The following ZDHHC2 variants were observed in gnomAD, a reference collection of about 807,000 sequenced individuals.
ZDHHC2 encodes palmitoyltransferase ZDHHC2.
ZDHHC2 carries 51 observed loss-of-function variants against 55.6 expected under a neutral mutation model. The ratio of observed to expected loss-of-function variants is 0.92; its 90% CI spans 0.73 to 1.16. The LOEUF is 1.16. Among genes scored for constraint, ZDHHC2 ranks in the 50% most tolerant of loss-of-function variants. The probability of loss-of-function intolerance (pLI) is 0.00; values close to 1 mark genes in which losing one functional copy is unlikely to be tolerated. For synonymous variants in ZDHHC2, 199 were observed against 152.9 expected (o/e 1.30, Z -2.22); for missense variants, 491 against 442.4 (o/e 1.11, Z -0.99).
chr8:17,208,843 A>G (rs1157956673), intron 8 of ZDHHC2, among the ~76,000 whole-genome samples: 1 of 152,006 alleles, frequency 6.6e-6, no homozygotes, highest in Non-Finnish European at 1.5e-5. Flanking sequence ...AACTTCTGGA[A>G]ACCTCTAGAT....
At chr8:17,163,827 G>C (rs965044274) in intron 1 of ZDHHC2, among the ~76,000 whole-genome samples, 1 of 152,148 alleles carries the variant, frequency 6.6e-6, no homozygotes, top group African/African-American at 2.4e-5. Context: ...TTAATATTAT[G>C]TGGAATTCTG....
chr8:17,199,605 CTTT>C (rs1806609582), intron 6 of ZDHHC2, among the ~76,000 whole-genome samples: 2 of 23,660 alleles, frequency 8.5e-5, no homozygotes, highest in Non-Finnish European at 1.8e-4. Context: ...CTTCTTTATT[CTTT>C]CTTCTTCTTC....
chr8:17,214,910 A>C lies in ZDHHC2; in HGVS notation c.951-327A>C. Among the ~76,000 whole-genome samples, 3 of 152,266 alleles carry C rather than the reference A, an allele frequency of 2.0e-5. 1 individual carries two copies. In the Middle Eastern group the frequency reaches 0.01, roughly 518 times the overall value. ...TTCTTCCTCAAAAATAAATACATACATAAAATTGATAATAAAATACTGTTA... is the reference window on the plus strand; with the variant it reads ...TTCTTCCTCAAAAATAAATACATACCTAAAATTGATAATAAAATACTGTTA... On this transcript the variant is annotated intron_variant, in intron 10 of 12. Coordinates refer to ENST00000262096, the MANE Select transcript of ZDHHC2 (RefSeq NM_016353.5).
Position 17,215,296 on chromosome 8 carries a change from C to T in ZDHHC2, c.1010C>T (p.Thr337Ile). 1 of 1,601,396 alleles carries T rather than the reference C, an allele frequency of 6.2e-7. No homozygotes were observed. The highest frequency in any genetic ancestry group is 8.5e-7 in the Non-Finnish European group (1 of 1,173,832). ...PLRESQSHLL[T>I]DSQSWTESSI... ...AGAGAGTCCCAGAGCCACCTTCTTACTGATTCTCAGTCTTGGACGGAGAGC... is the reference window on the plus strand; with the variant it reads ...AGAGAGTCCCAGAGCCACCTTCTTATTGATTCTCAGTCTTGGACGGAGAGC... Residue 337 changes from threonine (T) to isoleucine (I), a missense_variant, in exon 11 of 13, where the codon ACT (threonine) becomes ATT (isoleucine). Coordinates refer to ENST00000262096, the MANE Select transcript of ZDHHC2 (RefSeq NM_016353.5).
At chr8:17,201,535 T>C (rs7463291) in intron 6 of ZDHHC2, among the ~76,000 whole-genome samples, 83,969 of 127,844 alleles carry the variant, frequency 0.66, 28,714 homozygotes, top group Non-Finnish European at 0.77. Flanking sequence ...CTCTGTAACC[T>C]GGGCTAGAGT....
At chr8:17,210,533 T>C (rs1217801969) in intron 10 of ZDHHC2, 53 bp downstream of exon 10, 2 of 1,463,562 alleles carry the variant, frequency 1.4e-6, no homozygotes, top group Non-Finnish European at 1.9e-6. Flanking sequence ...TTTACCATAT[T>C]GTGTCTTTTG....
At chr8:17,216,164 A>G (rs2150950500) in intron 11 of ZDHHC2, among the ~76,000 whole-genome samples, 1 of 152,280 alleles carries the variant, frequency 6.6e-6, no homozygotes, top group East Asian at 1.9e-4. Flanking sequence ...TTGACTACTA[A>G]CCTTTTCTCC....
Position 17,223,141 on chromosome 8 carries a change from T to C in ZDHHC2, c.*2920T>C, listed in dbSNP as rs1350386663. ...GTTATAAACTAGCAGATTTTCCCTA[T>C]TTTGAAATGCATGTAAACGGGCTCG... On this transcript the variant is annotated 3_prime_UTR_variant, in exon 13 of 13. Transcript: ENST00000262096. 2.0e-5 allele frequency: 3 copies of C among 151,924 alleles called. No individual in the cohort carries two copies. The highest frequency in any genetic ancestry group is 4.4e-5 in the Non-Finnish European group (3 of 67,836). The allele number at this position is 151,924 out of a possible 1,614,324, so 9.4% of individuals were successfully genotyped here.
intron 1 of ZDHHC2, among the ~76,000 whole-genome samples, chr8:17,182,496 G>C (rs1400563579): frequency 1.3e-5 from 2 of 152,130 alleles, no homozygotes; most frequent in Non-Finnish European, 2.9e-5. Flanking sequence ...AGTGTAATTG[G>C]ATACAGCCTT....
intron 1 of ZDHHC2, among the ~76,000 whole-genome samples, chr8:17,168,352 G>A (rs1804703255): frequency 6.6e-6 from 1 of 152,164 alleles, no homozygotes; most frequent in African/African-American, 2.4e-5. Context: ...TTTATGAGAT[G>A]TTAAACAACA....
rs17124203 is a variant in ZDHHC2 at position 17,204,460 on chromosome 8, C to T, written c.477-1195C>T. The stretch of plus-strand genomic sequence containing the variant: ...ACCGGTTAACCAAGAAGTTACTCAA[C>T]CCATGAAGGTATTAGCCAATTCCAC... On this transcript the variant is annotated intron_variant, in intron 6 of 12. Transcript: ENST00000262096. Among the ~76,000 whole-genome samples, 76 of 152,218 alleles carry T rather than the reference C, an allele frequency of 5.0e-4. 1 individual carries two copies. The highest frequency in any genetic ancestry group is 1.8e-3 in the African/African-American group (73 of 41,452).
chr8:17,190,948 A>ATTTTTTTTTTTT, intron 3 of ZDHHC2, among the ~76,000 whole-genome samples: 1 of 91,350 alleles, frequency 1.1e-5, no homozygotes, highest in Non-Finnish European at 2.3e-5. Flanking sequence ...GGTCTTATTC[A>ATTTTTTTTTTTT]TTCTTTTTTT....
At chr8:17,218,460 G>A (rs1461414459) in intron 12 of ZDHHC2, among the ~76,000 whole-genome samples, 1 of 151,786 alleles carries the variant, frequency 6.6e-6, no homozygotes, top group Non-Finnish European at 1.5e-5. Context: ...GTGCTATTAG[G>A]AATTTTTCTG....
At chr8:17,210,706 T>C (rs1177995413) in intron 10 of ZDHHC2, among the ~76,000 whole-genome samples, 1 of 152,266 alleles carries the variant, frequency 6.6e-6, no homozygotes, top group East Asian at 1.9e-4. Context: ...AAAAAGGTGT[T>C]AATTGTCTAT....
At chr8:17,167,997 C>G (rs1191677272) in intron 1 of ZDHHC2, among the ~76,000 whole-genome samples, 1 of 152,142 alleles carries the variant, frequency 6.6e-6, no homozygotes, top group African/African-American at 2.4e-5. Flanking sequence ...AAAAGACCTT[C>G]TAACATGTGT....
chr8:17,161,682 A>G (rs1267525143), intron 1 of ZDHHC2, among the ~76,000 whole-genome samples: 1 of 152,022 alleles, frequency 6.6e-6, no homozygotes, highest in East Asian at 1.9e-4. Flanking sequence ...ACATAGTGGA[A>G]CCCTGTCTCT....
chr8:17,156,746 G>C lies in ZDHHC2; in HGVS notation c.23G>C (p.Ser8Thr), dbSNP rs1804067786. The change falls in exon 1 of 13, where the codon AGC becomes ACC. Residue 8 changes from serine (S) to threonine (T), a missense_variant. By Grantham distance (58) the Ser-to-Thr change is moderately conservative. Transcript: ENST00000262096. ...AAGATGGCGCCCTCGGGCCCGGGCA[G>C]CAGCGCCAGGCGGCGGTGCCGGCGG... MAPSGPG[S>T]SARRRCRRVL... The C allele has an allele frequency of 2.0e-6, 3 of 1,495,064 alleles. No homozygotes were observed. Among genetic ancestry groups the C allele is most frequent in the Non-Finnish European group, 2.7e-6 (3 of 1,120,798 alleles). 92.6% of individuals were successfully genotyped at this position (1,495,064 alleles called of 1,614,324 possible).
chr8:17,183,897 C>T (rs1316486106), intron 1 of ZDHHC2, among the ~76,000 whole-genome samples: 1 of 152,088 alleles, frequency 6.6e-6, no homozygotes, highest in Non-Finnish European at 1.5e-5. Flanking sequence ...ATTGGTTGGA[C>T]TGAGCAATCT....
rs1807953478 is a variant in ZDHHC2, at chr8:17,222,195, T to A, written c.*1974T>A. 1 of 151,792 alleles carries A rather than the reference T, an allele frequency of 6.6e-6. No individual in the cohort carries two copies. The allele number at this position is 151,792 out of a possible 1,614,324, so 9.4% of individuals were successfully genotyped here. ...ACATTAGAATCAGATTTGAAAAAGTTAAAACAATTTCATTGTTGTAATTGT... is the reference window on the plus strand; with the variant it reads ...ACATTAGAATCAGATTTGAAAAAGTAAAAACAATTTCATTGTTGTAATTGT... On this transcript the variant is annotated 3_prime_UTR_variant, in exon 13 of 13. Coordinates refer to ENST00000262096, the MANE Select transcript of ZDHHC2 (RefSeq NM_016353.5).
Sources: allele counts gnomAD v4.1 joint callset (sites outside exome capture counted in the v4.1 genomes callset), GRCh38; gene constraint gnomAD v4.1.1; transcripts MANE v1.5; gene names NCBI Gene and HGNC (gene_info 2026-07-23, HGNC 2026-07-21).